Variants in CACUL1 observed in about 807,000 individuals in gnomAD.
The protein encoded by CACUL1 is CDK2 associated cullin domain 1.
Under a neutral mutation model 45.2 loss-of-function variants are expected in CACUL1, and 13 were observed. The ratio of observed to expected loss-of-function variants is 0.29; its 90% CI spans 0.19 to 0.46. The LOEUF (loss-of-function observed/expected upper bound fraction) is 0.46. Among genes scored for constraint, CACUL1 ranks in the 20% least tolerant of loss-of-function variants. The probability of loss-of-function intolerance (pLI) is 1.00; values close to 1 mark genes in which losing one functional copy is unlikely to be tolerated. For synonymous variants in CACUL1, 197 were observed against 174.2 expected, an observed-to-expected ratio of 1.13 and a Z score of -1.03; for missense variants, 421 against 471.4, an observed-to-expected ratio of 0.89 and a Z score of 0.99.
intron 3 of CACUL1, among the ~76,000 whole-genome samples, chr10:118,711,733 C>T (rs760195870): frequency 3.1e-4 from 47 of 152,172 alleles, no homozygotes; most frequent in Non-Finnish European, 5.9e-4. Flanking sequence ...AAAGACTATG[C>T]GTATTAAAAA....
chr10:118,742,214 A>T (rs1477218079), intron 1 of CACUL1, among the ~76,000 whole-genome samples: 1 of 152,216 alleles, frequency 6.6e-6, no homozygotes, highest in Non-Finnish European at 1.5e-5. Context: ...CATATTACAC[A>T]TCTATCCAAC....
intron 3 of CACUL1, 88 bp from the exon 4 acceptor site, chr10:118,707,675 A>G: frequency 1.8e-6 from 1 of 559,532 alleles, no homozygotes; most frequent in Non-Finnish European, 3.1e-6. Flanking sequence ...AAGGAATTCA[A>G]AATTCATACT....
chr10:118,739,897 C>G (rs758079636), intron 1 of CACUL1, among the ~76,000 whole-genome samples: 1 of 152,192 alleles, frequency 6.6e-6, no homozygotes, highest in Non-Finnish European at 1.5e-5. Flanking sequence ...ATAATCCCAG[C>G]GCTTTGGGAA....
intron 1 of CACUL1, among the ~76,000 whole-genome samples, chr10:118,742,981 A>C (rs1845806280): frequency 6.6e-6 from 1 of 152,226 alleles, no homozygotes; most frequent in South Asian, 2.1e-4. Flanking sequence ...AAGATTCTTT[A>C]TTCACTATAC....
chr10:118,736,255 T>C (rs920832552), intron 1 of CACUL1, among the ~76,000 whole-genome samples: 8 of 151,552 alleles, frequency 5.3e-5, no homozygotes, highest in African/African-American at 1.9e-4. Context: ...GATAAGAAAA[T>C]ATTTTTGTAT....
chr10:118,706,932 A>AAGAAC (rs2119590594), intron 4 of CACUL1, among the ~76,000 whole-genome samples: 1 of 152,342 alleles, frequency 6.6e-6, no homozygotes, highest in South Asian at 2.1e-4. Context: ...TCTAATAAAG[A>AAGAAC]AGAACGGGGA....
rs151026461 is a variant in CACUL1 at position 118,721,235 on chromosome 10, C to T, written c.597+8060G>A. ...CCACTGGACAAAAAATAAATAGCAA[C>T]GCAATCCTTGCTCTGATTTTAACTA... On this transcript the variant is annotated intron_variant, in intron 3 of 8. Coordinates refer to ENST00000369151, the MANE Select transcript of CACUL1 (RefSeq NM_153810.5). 4.4e-3 allele frequency among the ~76,000 whole-genome samples: 669 copies of T among 152,298 alleles called. 7 individuals carry two copies. The highest frequency in any genetic ancestry group is 0.015 in the African/African-American group (641 of 41,572).
intron 3 of CACUL1, among the ~76,000 whole-genome samples, chr10:118,711,055 T>C (rs190737863): frequency 1.3e-5 from 2 of 152,344 alleles, no homozygotes; most frequent in Admixed American, 6.5e-5. Flanking sequence ...AACTACCCAT[T>C]TGTCTAATGC....
At chr10:118,715,955 G>A (rs1287270196) in intron 3 of CACUL1, among the ~76,000 whole-genome samples, 2 of 151,994 alleles carry the variant, frequency 1.3e-5, no homozygotes, top group Admixed American at 6.6e-5. Context: ...AACCACTACC[G>A]GCTGGGCGCG....
chr10:118,702,077 G>C (rs1845385997), intron 4 of CACUL1, among the ~76,000 whole-genome samples: 1 of 152,092 alleles, frequency 6.6e-6, no homozygotes, highest in South Asian at 2.1e-4. Context: ...CCTTAACTGA[G>C]GACATTATCT....
chr10:118,754,587 G>A lies in CACUL1; in HGVS notation c.176C>T (p.Ala59Val). Residue 59 changes from alanine to valine, a missense_variant, in exon 1 of 9, where the codon GCG becomes GTG. Coordinates refer to ENST00000369151, the MANE Select transcript of CACUL1 (RefSeq NM_153810.5). ...CCTGTCCACGGAGACCGCGGGCACC[G>A]CCAGCAGCTGCCCCCCCGGAGGCTC... is the stretch of plus-strand genomic sequence containing the variant. ...AREPPGGQLL[A>V]VPAVSVDRKG... The A allele has an allele frequency of 1.2e-6, 2 of 1,608,450 alleles. No individual in the cohort carries two copies. Among genetic ancestry groups the A allele is most frequent in the Non-Finnish European group, 1.7e-6 (2 of 1,177,706 alleles).
At chr10:118,751,463 T>C (rs1845897676) in intron 1 of CACUL1, among the ~76,000 whole-genome samples, 1 of 152,194 alleles carries the variant, frequency 6.6e-6, no homozygotes, top group Non-Finnish European at 1.5e-5. Flanking sequence ...TAACAACATA[T>C]GACTCCTTTC....
At chr10:118,737,689 TA>T (rs60182117) in intron 1 of CACUL1, among the ~76,000 whole-genome samples, 107,559 of 141,428 alleles carry the variant, frequency 0.76, 40,712 homozygotes, top group Non-Finnish European at 0.81. Context: ...ACTACTATCT[TA>T]AAAAAAAAAA....
At chr10:118,729,692 A>T (rs939686022) in intron 2 of CACUL1, among the ~76,000 whole-genome samples, 1 of 152,152 alleles carries the variant, frequency 6.6e-6, no homozygotes, top group Non-Finnish European at 1.5e-5. Context: ...ATAACTATTT[A>T]TAAACCAGGT....
chr10:118,686,801 A>G, intron 7 of CACUL1, 160 bp from the exon 8 acceptor site: 1 of 621,472 alleles, frequency 1.6e-6, no homozygotes, highest in Non-Finnish European at 2.9e-6. Context: ...GTACCTCACT[A>G]TGCTTTCTGC....
At chr10:118,731,459 CT>C (rs1032499701) in intron 1 of CACUL1, among the ~76,000 whole-genome samples, 2 of 152,146 alleles carry the variant, frequency 1.3e-5, no homozygotes, top group African/African-American at 4.8e-5. Flanking sequence ...TTGTTCAATA[CT>C]TTCTTTAAAT....
At chr10:118,703,156 A>G (rs907555055) in intron 4 of CACUL1, among the ~76,000 whole-genome samples, 17 of 152,188 alleles carry the variant, frequency 1.1e-4, no homozygotes, top group Admixed American at 2.0e-4. Context: ...CACATGGTTA[A>G]AAAACAGAAA....
intron 1 of CACUL1, among the ~76,000 whole-genome samples, chr10:118,749,824 T>C (rs1175130423): frequency 2.0e-5 from 3 of 152,092 alleles, no homozygotes; most frequent in African/African-American, 4.8e-5. Context: ...CCTCAATCCA[T>C]CTCACAGTAG....
intron 5 of CACUL1, among the ~76,000 whole-genome samples, chr10:118,695,524 T>C (rs1379537561): frequency 6.6e-6 from 1 of 152,228 alleles, no homozygotes; most frequent in Non-Finnish European, 1.5e-5. Context: ...TGATACATTA[T>C]AAGTGAGTTG....
Sources: gnomAD v4.1 joint callset for allele counts (sites outside exome capture counted in the v4.1 genomes callset) on GRCh38, gnomAD v4.1.1 for gene constraint, MANE v1.5 for transcripts, NCBI Gene and HGNC (gene_info 2026-07-23, HGNC 2026-07-21) for gene names.